The following CDH10 variants were observed in gnomAD, a reference collection of about 807,000 sequenced individuals.
CDH10 encodes cadherin-10.
Under a neutral mutation model 73.1 loss-of-function variants are expected in CDH10, and 30 were observed. The ratio of observed to expected loss-of-function variants is 0.41; its 90% CI spans 0.31 to 0.56. The LOEUF (loss-of-function observed/expected upper bound fraction) is 0.56. Among genes scored for constraint, CDH10 ranks in the 20% least tolerant of loss-of-function variants. CDH10 has a pLI of 0.27. For missense variants in CDH10, 815 were observed against 973.7 expected, an observed-to-expected ratio of 0.84 and a Z score of 2.17; for synonymous variants, 345 against 348.2, an observed-to-expected ratio of 0.99 and a Z score of 0.10.
chr5:24,507,217 T>C (rs1742729004), intron 7 of CDH10, among the ~76,000 whole-genome samples: 1 of 151,850 alleles, frequency 6.6e-6, no homozygotes, highest in Non-Finnish European at 1.5e-5. Flanking sequence ...ATATATTCTA[T>C]CCAAAGAATG....
chr5:24,524,680 CA>C (rs1305847270), intron 5 of CDH10, among the ~76,000 whole-genome samples: 1 of 152,014 alleles, frequency 6.6e-6, no homozygotes, highest in African/African-American at 2.4e-5. Context: ...CATTTAAGCA[CA>C]AAGGCATGAA....
chr5:24,592,757 C>T (rs1192969999), intron 2 of CDH10, among the ~76,000 whole-genome samples: 1 of 151,710 alleles, frequency 6.6e-6, no homozygotes, highest in Non-Finnish European at 1.5e-5. Context: ...AAATAAATAA[C>T]ATTCATACCT....
intron 5 of CDH10, among the ~76,000 whole-genome samples, chr5:24,522,939 T>TA (rs1743395241): frequency 6.6e-6 from 1 of 152,108 alleles, no homozygotes; most frequent in Non-Finnish European, 1.5e-5. Flanking sequence ...TTCATACATT[T>TA]AGTGCTGTAG....
intron 7 of CDH10, among the ~76,000 whole-genome samples, chr5:24,508,963 C>T (rs1270451698): frequency 2.6e-5 from 4 of 152,020 alleles, no homozygotes; most frequent in African/African-American, 7.2e-5. Flanking sequence ...CAATAAACAC[C>T]GTAAGGAGAC....
intron 1 of CDH10, among the ~76,000 whole-genome samples, chr5:24,631,584 C>A (rs1400214741): frequency 6.6e-6 from 1 of 152,068 alleles, no homozygotes; most frequent in East Asian, 2.0e-4. Flanking sequence ...ACTCACCTTT[C>A]AAGTCCCTCT....
chr5:24,596,448 C>T (rs562860543), intron 1 of CDH10, among the ~76,000 whole-genome samples: 43 of 151,820 alleles, frequency 2.8e-4, no homozygotes, highest in Admixed American at 5.3e-4. Flanking sequence ...TAACTACTAA[C>T]GGCCGTTTTC....
intron 2 of CDH10, among the ~76,000 whole-genome samples, chr5:24,556,723 C>T (rs1505885): frequency 0.83 from 125,477 of 151,420 alleles, 52,024 homozygotes; most frequent in East Asian, 0.9. Flanking sequence ...TTATAAGAAA[C>T]AGAATTAAAA....
At chr5:24,626,351 G>C (rs1249587796) in intron 1 of CDH10, among the ~76,000 whole-genome samples, 1 of 152,062 alleles carries the variant, frequency 6.6e-6, no homozygotes, top group Non-Finnish European at 1.5e-5. Context: ...GGCAAAAACT[G>C]ATAAAATATA....
At chr5:24,590,043 T>C (rs1417166809) in intron 2 of CDH10, among the ~76,000 whole-genome samples, 1 of 152,066 alleles carries the variant, frequency 6.6e-6, no homozygotes, top group East Asian at 1.9e-4. Context: ...AAGGTCAGTG[T>C]TATGATTAGA....
intron 6 of CDH10, among the ~76,000 whole-genome samples, chr5:24,510,126 T>G (rs1742849169): frequency 6.6e-6 from 1 of 152,176 alleles, no homozygotes; most frequent in Non-Finnish European, 1.5e-5. Context: ...GGCTAATGGA[T>G]GTTGCATGTG....
chr5:24,488,212 T>G, intron 11 of CDH10, 59 bp from the exon 12 acceptor site: 1 of 1,357,258 alleles, frequency 7.4e-7, no homozygotes, highest in South Asian at 1.3e-5. Context: ...AAATAACGAG[T>G]GGAAATACTA....
chr5:24,544,109 C>T (rs1012563018), intron 2 of CDH10, among the ~76,000 whole-genome samples: 1 of 152,150 alleles, frequency 6.6e-6, no homozygotes, highest in African/African-American at 2.4e-5. Flanking sequence ...TCCTGGGCAA[C>T]ATGGTGAAAC....
intron 1 of CDH10, chr5:24,610,064 A>G (rs1206648493): frequency 6.6e-6 from 1 of 152,230 alleles, no homozygotes; most frequent in African/African-American, 2.4e-5. Flanking sequence ...GAAACGCTCC[A>G]TATTATTACG....
intron 2 of CDH10, among the ~76,000 whole-genome samples, chr5:24,564,928 G>A (rs766148228): frequency 6.6e-6 from 1 of 152,016 alleles, no homozygotes; most frequent in Non-Finnish European, 1.5e-5. Flanking sequence ...TCCTCTCACT[G>A]GGCCAGTCCA....
chr5:24,534,510 C>G (rs942726343), intron 5 of CDH10, among the ~76,000 whole-genome samples: 2 of 151,938 alleles, frequency 1.3e-5, no homozygotes, highest in African/African-American at 2.4e-5. Context: ...TTTACCTATT[C>G]CTAATCTATT....
At chr5:24,591,261 A>T (rs1001659799) in intron 2 of CDH10, among the ~76,000 whole-genome samples, 3 of 152,134 alleles carry the variant, frequency 2.0e-5, no homozygotes, top group Admixed American at 2.0e-4. Context: ...CATCTATTTC[A>T]CAGATTATGA....
intron 1 of CDH10, among the ~76,000 whole-genome samples, chr5:24,606,744 C>T (rs752631566): frequency 2.0e-5 from 3 of 152,154 alleles, no homozygotes; most frequent in South Asian, 4.2e-4. Flanking sequence ...AACGTTTAAA[C>T]GTTTAAGAGT....
chr5:24,606,775 C>G (rs976789827), intron 1 of CDH10, among the ~76,000 whole-genome samples: 1 of 152,094 alleles, frequency 6.6e-6, no homozygotes, highest in Non-Finnish European at 1.5e-5. Context: ...ATGAATTACA[C>G]AGGAAGCAAA....
At chr5:24,511,545 C>CAG (rs55901211) in intron 5 of CDH10, 31 bp from the exon 6 acceptor site, 32,833 of 563,082 alleles carry the variant, frequency 0.058, 707 homozygotes, top group Admixed American at 0.079. Context: ...AAGAGAGAGA[C>CAG]AGAGAGAGAG....
Sources: gnomAD v4.1 joint callset for allele counts (sites outside exome capture counted in the v4.1 genomes callset) on GRCh38, gnomAD v4.1.1 for gene constraint, MANE v1.5 for transcripts, NCBI Gene and HGNC (gene_info 2026-07-23, HGNC 2026-07-21) for gene names.